Variants in LAMA1 observed in about 807,000 individuals in gnomAD.
LAMA1 encodes the protein laminin subunit alpha 1.
In LAMA1, 219 loss-of-function variants were observed where a neutral mutation model predicts 348.7. That is an observed-to-expected ratio of 0.63 (90% CI 0.56 to 0.70). LAMA1 has a LOEUF of 0.70. Ranked by LOEUF, LAMA1 falls within the 30% of genes least tolerant of loss-of-function variation. LAMA1 has a pLI of 0.00. For missense variants in LAMA1, 3,744 were observed against 3,888.0 expected, an observed-to-expected ratio of 0.96 and a Z score of 0.99; for synonymous variants, 1,487 against 1,491.0, an observed-to-expected ratio of 1.00 and a Z score of 0.06.
In LAMA1 at chr18:6,986,170, C is replaced by T. The variant is rs750995731; in HGVS notation, c.5346G>A (p.Leu1782=). 6.2e-7 allele frequency: 1 copy of T among 1,614,216 alleles called. No homozygotes were observed. The highest frequency in any genetic ancestry group is 1.7e-5 in the Admixed American group (1 of 60,022). ...EAKMQESNHL[L]LMVNANLREF... ...CTCTCAGATTAGCATTGACCATGAG[C>T]AGCAGGTGGTTGCTTTCCTGCATCT... The change falls in exon 37 of 63, where the codon CTG becomes CTA. Residue 1782 remains leucine (L), a synonymous_variant. Coordinates refer to ENST00000389658, the MANE Select transcript of LAMA1 (RefSeq NM_005559.4).
intron 12 of LAMA1, 21 bp downstream of exon 12, chr18:7,037,557 T>G (rs1328651191): frequency 3.1e-6 from 5 of 1,613,576 alleles, no homozygotes; most frequent in Non-Finnish European, 4.2e-6. Flanking sequence ...GAGACATCGC[T>G]ACCTGCAGGG....
intron 35 of LAMA1, 34 bp from the exon 36 acceptor site, chr18:6,992,754 C>T (rs111678462): frequency 6.3e-7 from 1 of 1,582,060 alleles, no homozygotes; most frequent in Non-Finnish European, 8.7e-7. Flanking sequence ...TTTAATAAGC[C>T]TCTCAAAAGT....
In LAMA1 at chr18:7,040,220, C is replaced by G; in HGVS notation, c.1278G>C (p.Gln426His). ...SDLHNGKQPG[Q>H]CPCKEGYTGE... ...CTGTATAACCTTCCTTACATGGGCA[C>G]TGACCTGGCTGCTTCCCTAGAAAGA... Residue 426 changes from glutamine (Q) to histidine (H), a missense_variant, in exon 10 of 63, where the codon CAG becomes CAC. Gln to His is a conservative substitution (Grantham distance 24, BLOSUM62 0). Coordinates refer to ENST00000389658, the MANE Select transcript of LAMA1 (RefSeq NM_005559.4). The G allele has an allele frequency of 1.2e-6, 2 of 1,614,150 alleles. No individual in the cohort carries two copies. The highest frequency in any genetic ancestry group is 1.7e-6 in the Non-Finnish European group (2 of 1,180,032).
intron 51 of LAMA1, 75 bp downstream of exon 51, chr18:6,964,585 GAT>G (rs1442604592): frequency 6.4e-5 from 99 of 1,542,952 alleles, no homozygotes; most frequent in Non-Finnish European, 8.3e-5. Context: ...CCTGGTTTGT[GAT>G]ACAGTCCATT....
intron 3 of LAMA1, among the ~76,000 whole-genome samples, chr18:7,062,025 G>T (rs189748045): frequency 3.3e-5 from 5 of 152,224 alleles, no homozygotes; most frequent in Non-Finnish European, 7.3e-5. Flanking sequence ...GGACACTGGG[G>T]ACAAGGGACG....
chr18:7,090,209 T>C (rs2058234159), intron 1 of LAMA1, among the ~76,000 whole-genome samples: 1 of 152,210 alleles, frequency 6.6e-6, no homozygotes, highest in African/African-American at 2.4e-5. Context: ...CACTACTAAA[T>C]GAACTCATTT....
rs1170446786 is a variant in LAMA1 at position 7,012,229 on chromosome 18, T to C, written c.3364-91A>G. 4.0e-5 allele frequency: 54 copies of C among 1,366,866 alleles called. 1 individual carries two copies. The East Asian group carries it at 1.2e-3, about 31-fold the overall frequency. The allele number at this position is 1,366,866 out of a possible 1,614,324, so 84.7% of individuals were successfully genotyped here. ...AGACAAAATAGAGCACAAACATAAT[T>C]TTAAACATAATTATAGATGCACAAA... On this transcript the variant is annotated intron_variant, in intron 23 of 62. Transcript: ENST00000389658.
In LAMA1 at chr18:7,040,226, T is replaced by G. The variant is rs1375635713; in HGVS notation, c.1272A>C (p.Pro424=). The change falls in exon 10 of 63, where the codon CCA becomes CCC. Residue 424 remains proline, a synonymous_variant. Coordinates refer to ENST00000389658, the MANE Select transcript of LAMA1 (RefSeq NM_005559.4). The stretch of plus-strand genomic sequence containing the variant: ...AACCTTCCTTACATGGGCACTGACC[T>G]GGCTGCTTCCCTAGAAAGACAACAA... ...LHSDLHNGKQ[P]GQCPCKEGYT... 1 of 1,614,024 alleles carries G rather than the reference T, an allele frequency of 6.2e-7. No individual in the cohort carries two copies. The highest frequency in any genetic ancestry group is 8.5e-7 in the Non-Finnish European group (1 of 1,180,038).
chr18:7,085,932 A>G (rs923232083), intron 1 of LAMA1, among the ~76,000 whole-genome samples: 5 of 152,222 alleles, frequency 3.3e-5, no homozygotes, highest in Non-Finnish European at 7.3e-5. Flanking sequence ...CAGGATAATA[A>G]TATCAAGGTA....
chr18:7,102,103 T>C (rs1371694306), intron 1 of LAMA1, among the ~76,000 whole-genome samples: 1 of 152,150 alleles, frequency 6.6e-6, no homozygotes, highest in Admixed American at 6.5e-5. Context: ...ACATACATTT[T>C]CAAGGAAAGT....
intron 45 of LAMA1, 128 bp downstream of exon 45, chr18:6,975,809 T>C: frequency 1.9e-6 from 2 of 1,067,840 alleles, no homozygotes; most frequent in Non-Finnish European, 2.9e-6. Flanking sequence ...TTAACAAAGG[T>C]TAGTCCCTAT....
chr18:7,027,714 G>A (rs1339195258), intron 16 of LAMA1, among the ~76,000 whole-genome samples: 2 of 152,152 alleles, frequency 1.3e-5, no homozygotes, highest in Non-Finnish European at 2.9e-5. Context: ...AGGCCAAGGC[G>A]GGTGGACCAC....
At position 6,964,799 on chromosome 18, in the gene LAMA1, C is replaced by G. The variant is rs746070129; in HGVS notation, c.7200G>C (p.Val2400=). ...IAFQRNRKQG[V]LAVIDAYNTS... is the part of the protein sequence containing the mutation. ...TGTTATAGGCATCGATAACTGCTAG[C>G]ACTCCTAAAAGGAGAGCACAGGCAA... Residue 2400 remains valine, a synonymous_variant, in exon 51 of 63, where the codon GTG becomes GTC. Transcript: ENST00000389658. 11 of 1,614,050 alleles carry G rather than the reference C, an allele frequency of 6.8e-6. No homozygotes were observed. Among genetic ancestry groups the G allele is most frequent in the Non-Finnish European group, 5.9e-6 (7 of 1,180,006 alleles).
At position 7,005,622 on chromosome 18, in the gene LAMA1, G is replaced by A. The variant is rs191777867; in HGVS notation, c.4260+1517C>T. Reference sequence around the variant, plus strand: ...AAATTAGCTGGGTGTGGTGGCAGGCGCCTGTAATCTCAGCTACTCAGGAGG... The same window carrying A: ...AAATTAGCTGGGTGTGGTGGCAGGCACCTGTAATCTCAGCTACTCAGGAGG... On this transcript the variant is annotated intron_variant, in intron 29 of 62. Transcript: ENST00000389658. 3.5e-3 allele frequency among the ~76,000 whole-genome samples: 539 copies of A among 152,258 alleles called. 4 individuals carry two copies. The highest frequency in any genetic ancestry group is 0.013 in the African/African-American group (522 of 41,552).
In LAMA1 at chr18:6,959,371, G is replaced by A. The variant is rs141247075; in HGVS notation, c.7748C>T (p.Ala2583Val). The change falls in exon 54 of 63, where the codon GCG (alanine) becomes GTG (valine). Residue 2583 changes from alanine (A) to valine (V), a missense_variant. Around this residue, in one of 3 missense-constraint regions of LAMA1, gnomAD observed 1,983 missense variants for 1,934.3 expected, o/e 1.03. Transcript: ENST00000389658. ...ATTCCTGACCAAGGAGATGGAATGC[G>A]CTTGTCCATCACTGCAGGTACCCGT... ...APTGTCSDGQ[A>V]HSISLVRNRR... The A allele has an allele frequency of 6.3e-5, 101 of 1,614,012 alleles. No individual in the cohort carries two copies. The highest frequency in any genetic ancestry group is 1.1e-4 in the South Asian group (10 of 91,086).
chr18:6,993,968 C>G (rs998192314), intron 34 of LAMA1, among the ~76,000 whole-genome samples: 1 of 152,160 alleles, frequency 6.6e-6, no homozygotes, highest in Non-Finnish European at 1.5e-5. Flanking sequence ...ACAACTCACT[C>G]AGCATAAGAA....
At chr18:6,968,749 A>G (rs2057645038) in intron 48 of LAMA1, among the ~76,000 whole-genome samples, 1 of 152,240 alleles carries the variant, frequency 6.6e-6, no homozygotes, top group African/African-American at 2.4e-5. Context: ...GACCCCATGT[A>G]CAAGTGTAAT....
At chr18:6,950,669 C>T (rs984901811) in intron 58 of LAMA1, 113 bp downstream of exon 58, 79 of 1,221,796 alleles carry the variant, frequency 6.5e-5, no homozygotes, top group Non-Finnish European at 9.0e-5. Context: ...ACCAGACACA[C>T]ACGGCGAGAT....
rs565983374 is a variant in LAMA1 at position 7,099,044 on chromosome 18, A to G, written c.62-18587T>C. 5.4e-3 allele frequency among the ~76,000 whole-genome samples: 823 copies of G among 152,058 alleles called. 7 individuals carry two copies. The highest frequency in any genetic ancestry group is 6.8e-3 in the Middle Eastern group (2 of 294). Reference sequence around the variant, plus strand: ...ATAGAAAGGGGGGAAAGGCGGGGAAAAGATTGAGAAATCGGATGGTTGCCG... The same window carrying G: ...ATAGAAAGGGGGGAAAGGCGGGGAAGAGATTGAGAAATCGGATGGTTGCCG... On this transcript the variant is annotated intron_variant, in intron 1 of 62. Coordinates refer to ENST00000389658, the MANE Select transcript of LAMA1 (RefSeq NM_005559.4).
Sources: gnomAD v4.1 joint callset for allele counts (sites outside exome capture counted in the v4.1 genomes callset) on GRCh38, gnomAD v4.1.1 for gene constraint, gnomAD v4.1.1 regional missense constraint, MANE v1.5 for transcripts, NCBI Gene and HGNC (gene_info 2026-07-23, HGNC 2026-07-21) for gene names.